Variants in AZIN2 observed in about 807,000 individuals in gnomAD.
The protein encoded by AZIN2 is antizyme inhibitor 2.
Under a neutral mutation model 47.8 loss-of-function variants are expected in AZIN2, and 28 were observed. The ratio of observed to expected loss-of-function variants is 0.59; its 90% confidence interval spans 0.43 to 0.80. The LOEUF is 0.80. Among genes scored for constraint, AZIN2 ranks in the 30% least tolerant of loss-of-function variants. The probability of loss-of-function intolerance (pLI) is 0.00; values close to 1 mark genes in which losing one functional copy is unlikely to be tolerated. For synonymous variants in AZIN2, 221 were observed against 239.4 expected, an observed-to-expected ratio of 0.92 and a Z score of 0.71; for missense variants, 535 against 582.5, an observed-to-expected ratio of 0.92 and a Z score of 0.84.
intron 10 of AZIN2, among the ~76,000 whole-genome samples, chr1:33,101,114 G>A (rs1255465635): frequency 1.3e-5 from 2 of 152,112 alleles, no homozygotes; most frequent in Non-Finnish European, 1.5e-5. Flanking sequence ...CATCTGGCTC[G>A]GCCTCCCAAA....
At chr1:33,145,771 G>A in the AZIN2 span, 2 of 444,238 alleles carry the variant, frequency 4.5e-6, no homozygotes, top group Admixed American at 5.0e-5. Context: ...CCCTAGATGT[G>A]GACTCCACCC....
At chr1:33,126,091 G>C (rs988571123), downstream of AZIN2, among the ~76,000 whole-genome samples, 1 of 152,176 alleles carries the variant, frequency 6.6e-6, no homozygotes, top group African/African-American at 2.4e-5. Context: ...ATAGATCACT[G>C]TCTAACATAT....
At chr1:33,135,717 C>T in the AZIN2 span, among the ~76,000 whole-genome samples, 1 of 152,204 alleles carries the variant, frequency 6.6e-6, no homozygotes, top group African/African-American at 2.4e-5. Flanking sequence ...CCAGGAGGAA[C>T]CTCTTCTCTT....
the AZIN2 span, chr1:33,159,709 C>T: frequency 1.2e-6 from 2 of 1,609,906 alleles, no homozygotes; most frequent in Non-Finnish European, 1.7e-6. This position sits in a 1 kb window ranked among gnomAD's most constrained non-coding sequence, Gnocchi z 4.2. Context: ...TGAGGCCACC[C>T]CAGCCAGGAA....
At chr1:33,088,217 G>A (rs192055481) in intron 5 of AZIN2, among the ~76,000 whole-genome samples, 31 of 152,252 alleles carry the variant, frequency 2.0e-4, no homozygotes, top group African/African-American at 7.5e-4. Context: ...CTGGAACCCG[G>A]CATGTTCAAA....
In AZIN2 at chr1:33,088,238, A is replaced by G. The variant is rs1003246691; in HGVS notation, c.280-3812A>G. 4.6e-5 allele frequency among the ~76,000 whole-genome samples: 7 copies of G among 152,120 alleles called. No individual in the cohort carries two copies. The East Asian group carries it at 1.4e-3, about 29-fold the overall frequency. ...CCCGGCATGTTCAAATGTGCTCCTG[A>G]TGTCCCCTTTCCCCGTCATGAAGGG... On this transcript the variant is annotated intron_variant, in intron 5 of 11. Transcript: ENST00000294517.
intron 10 of AZIN2, 112 bp downstream of exon 10, chr1:33,098,291 GACA>G: frequency 1.3e-6 from 1 of 758,246 alleles, no homozygotes; most frequent in Non-Finnish European, 2.1e-6. Flanking sequence ...GTCGATAATA[GACA>G]ACAAGGATGA....
chr1:33,102,882 A>G (rs1643812024), intron 10 of AZIN2, among the ~76,000 whole-genome samples: 1 of 152,088 alleles, frequency 6.6e-6, no homozygotes. Flanking sequence ...TCCAACCCCA[A>G]ACTTCTCTCA....
chr1:33,154,998 C>T, the AZIN2 span, among the ~76,000 whole-genome samples: 12 of 148,430 alleles, frequency 8.1e-5, no homozygotes, highest in Admixed American at 4.7e-4. Flanking sequence ...GAGGCTGAGG[C>T]GGGAGAATGG....
chr1:33,118,243 C>A (rs924105516), intron 11 of AZIN2, 127 bp downstream of exon 11: 3 of 1,066,072 alleles, frequency 2.8e-6, no homozygotes, highest in Non-Finnish European at 3.9e-6. Flanking sequence ...GCTGGTCCCA[C>A]GTGAGGGATG....
At chr1:33,137,870 C>T in the AZIN2 span, among the ~76,000 whole-genome samples, 2 of 152,300 alleles carry the variant, frequency 1.3e-5, no homozygotes, top group Admixed American at 1.3e-4. Flanking sequence ...GCTTCCCTTG[C>T]CTCACAGTCA....
At chr1:33,147,749 G>A in the AZIN2 span, 1 of 1,599,018 alleles carries the variant, frequency 6.3e-7, no homozygotes, top group Non-Finnish European at 8.5e-7. The surrounding 1 kb of genome is among the most constrained non-coding windows in gnomAD (Gnocchi z 8.1). Flanking sequence ...GGAGGAGGGA[G>A]AGAAGATGAG....
chr1:33,165,632 C>T, the AZIN2 span: 2 of 1,396,618 alleles, frequency 1.4e-6, no homozygotes, highest in East Asian at 5.2e-5. The surrounding 1 kb of genome is among the most constrained non-coding windows in gnomAD (Gnocchi z 4.0). Flanking sequence ...CAGCCCTGAC[C>T]ACTGCCAGGC....
At chr1:33,162,567 A>C in the AZIN2 span, among the ~76,000 whole-genome samples, 1 of 152,108 alleles carries the variant, frequency 6.6e-6, no homozygotes, top group Non-Finnish European at 1.5e-5. Flanking sequence ...GGCAATCAGG[A>C]GTTGCTTGAG....
the AZIN2 span, among the ~76,000 whole-genome samples, chr1:33,151,662 A>T: frequency 6.6e-6 from 1 of 152,172 alleles, no homozygotes; most frequent in Non-Finnish European, 1.5e-5. Context: ...GTCCCGGGAC[A>T]CCAAGATTTA....
chr1:33,154,461 C>T, the AZIN2 span, among the ~76,000 whole-genome samples: 1 of 152,020 alleles, frequency 6.6e-6, no homozygotes, highest in African/African-American at 2.4e-5. Context: ...TCTTGCTCAG[C>T]TATATGGAAC....
At chr1:33,160,038 AGGAAAGGGTG>A in the AZIN2 span, 2 of 1,524,478 alleles carry the variant, frequency 1.3e-6, no homozygotes, top group Non-Finnish European at 1.8e-6. Flanking sequence ...ACACACAGAG[AGGAAAGGGTG>A]GGAAAGGGCA....
At chr1:33,084,955 G>A (rs1184817758) in intron 5 of AZIN2, among the ~76,000 whole-genome samples, 1 of 152,178 alleles carries the variant, frequency 6.6e-6, no homozygotes, top group Admixed American at 6.5e-5. Context: ...AACTCCTACA[G>A]CGTGTAGTCA....
chr1:33,099,202 A>T (rs1490811175), intron 10 of AZIN2, among the ~76,000 whole-genome samples: 1 of 152,022 alleles, frequency 6.6e-6, no homozygotes, highest in Non-Finnish European at 1.5e-5. Context: ...AGTCAGTCAG[A>T]GGGGTCTTGA....
Sources: gnomAD v4.1 joint callset for allele counts (sites outside exome capture counted in the v4.1 genomes callset) on GRCh38, gnomAD v4.1.1 for gene constraint, Gnocchi (gnomAD v3.1) non-coding constraint, MANE v1.5 for transcripts, NCBI Gene and HGNC (gene_info 2026-07-23, HGNC 2026-07-21) for gene names.